Variants in RNF183 observed in about 807,000 individuals in gnomAD.
RNF183 encodes ring finger protein 183.
RNF183 carries 4 observed loss-of-function variants against 9.0 expected under a neutral mutation model. That is an observed-to-expected ratio of 0.44 (90% CI 0.22 to 1.01). The LOEUF (loss-of-function observed/expected upper bound fraction) is 1.01. Ranked by LOEUF, RNF183 falls within the 50% of genes least tolerant of loss-of-function variation. RNF183 has a pLI of 0.25. For synonymous variants in RNF183, 102 were observed against 107.5 expected, an observed-to-expected ratio of 0.95 and a Z score of 0.32; for missense variants, 227 against 253.6, an observed-to-expected ratio of 0.89 and a Z score of 0.71.
At position 113,297,900 on chromosome 9, in the gene RNF183, G is replaced by T; in HGVS notation, c.285C>A (p.Gly95=). Reference sequence around the variant, plus strand: ...GCTGGTCCTTGAGGCACAGCTGATGGCCTTCCAGGATGACATGGTGGGGCT... The same window carrying T: ...GCTGGTCCTTGAGGCACAGCTGATGTCCTTCCAGGATGACATGGTGGGGCT... ...RLEPHHVILE[G]HQLCLKDQPK... Residue 95 remains glycine, a synonymous_variant, in exon 5 of 5, where the codon GGC becomes GGA. Transcript: ENST00000489339. 6.2e-7 allele frequency: 1 copy of T among 1,613,956 alleles called. No individual in the cohort carries two copies. The highest frequency in any genetic ancestry group is 8.5e-7 in the Non-Finnish European group (1 of 1,179,970).
In RNF183 at chr9:113,298,466, T is replaced by C. The variant is rs962962057; in HGVS notation, c.-37-245A>G. The C allele has an allele frequency of 2.1e-6, 1 of 475,140 alleles. No individual in the cohort carries two copies. 29.4% of individuals were successfully genotyped at this position (475,140 alleles called of 1,614,324 possible). On this transcript the variant is annotated intron_variant, in intron 4 of 4. Coordinates refer to ENST00000489339, the MANE Select transcript of RNF183 (RefSeq NM_001371237.1). The surrounding 1 kb of genome is among the most constrained non-coding windows in gnomAD (Gnocchi z 4.9). ...CCAAGAGCCCCCAAGAGAGCCGGCA[T>C]TGGAGCAGATGTCGCCCTGGGCTTT...
chr9:113,300,646 C>T (rs548396925), intron 3 of RNF183, among the ~76,000 whole-genome samples: 2 of 151,438 alleles, frequency 1.3e-5, no homozygotes, highest in Admixed American at 6.6e-5. Context: ...TGTGTGGCCC[C>T]GAGGTGAGAA....
chr9:113,300,512 C>G (rs943735230), intron 3 of RNF183, among the ~76,000 whole-genome samples: 7 of 152,170 alleles, frequency 4.6e-5, no homozygotes. Context: ...TGCTTGGTGG[C>G]TGCTCCCAAT....
chr9:113,297,828 G>T lies in RNF183; in HGVS notation c.357C>A (p.Asp119Glu). The T allele has an allele frequency of 6.2e-7, 1 of 1,611,430 alleles. No homozygotes were observed. Among genetic ancestry groups the T allele is most frequent in the Non-Finnish European group, 8.5e-7 (1 of 1,178,438 alleles). ...FLRQPQVYTL[D>E]LGPQPGGQTG... Reference sequence around the variant, plus strand: ...TCTGGCCCCCAGGCTGGGGGCCAAGGTCCAGCGTGTAGACTTGAGGCTGGC... The same window carrying T: ...TCTGGCCCCCAGGCTGGGGGCCAAGTTCCAGCGTGTAGACTTGAGGCTGGC... The change falls in exon 5 of 5, where the codon GAC becomes GAA. Residue 119 changes from aspartate to glutamate, a missense_variant. Physicochemically the swap from Asp to Glu is conservative, Grantham distance 45. Transcript: ENST00000489339.
In RNF183 at chr9:113,297,498, T is replaced by C. The variant is rs1033386432; in HGVS notation, c.*108A>G. The C allele has an allele frequency of 8.2e-6, 6 of 732,912 alleles. No individual in the cohort carries two copies. The highest frequency in any genetic ancestry group is 1.1e-5 in the Non-Finnish European group (5 of 449,170). The allele number at this position is 732,912 out of a possible 1,614,324, so 45.4% of individuals were successfully genotyped here. A position where few individuals can be genotyped will look rare whatever the true frequency, so the allele number is the denominator to read the frequency against. On this transcript the variant is annotated 3_prime_UTR_variant, in exon 5 of 5. Transcript: ENST00000489339. ...ACACATGGCCTGAACAATCCCTGGA[T>C]TGTAAAATAAACAACACTACAAAGG...
At position 113,300,309 on chromosome 9, in the gene RNF183, G is replaced by A. The variant is rs1015556574; in HGVS notation, c.-241-534C>T. On this transcript the variant is annotated intron_variant, in intron 3 of 4. Coordinates refer to ENST00000489339, the MANE Select transcript of RNF183 (RefSeq NM_001371237.1). ...TATTCTGCAGTCCATTCATCCACTC[G>A]GACATTATTGAGTGCTTACTCTAGC... is the stretch of plus-strand genomic sequence containing the variant. Among the ~76,000 whole-genome samples the A allele has an allele frequency of 6.6e-5, 10 of 152,180 alleles. 1 individual carries two copies. The highest frequency in any genetic ancestry group is 2.6e-4 in the Admixed American group (4 of 15,278).
At chr9:113,302,036 TAAAC>T (rs1832933282) in intron 2 of RNF183, 155 bp downstream of exon 2, 1 of 150,882 alleles carries the variant, frequency 6.6e-6, no homozygotes, top group Non-Finnish European at 1.5e-5. Flanking sequence ...TCTGGAGAGA[TAAAC>T]AACCAGATAT....
At chr9:113,302,114 G>A (rs1290647557) in intron 2 of RNF183, 81 bp downstream of exon 2, 1 of 137,042 alleles carries the variant, frequency 7.3e-6, no homozygotes, top group Non-Finnish European at 1.6e-5. Context: ...TCTCTTACCT[G>A]AAAATTCTAA....
At chr9:113,300,479 C>T (rs1832883869) in intron 3 of RNF183, among the ~76,000 whole-genome samples, 1 of 152,096 alleles carries the variant, frequency 6.6e-6, no homozygotes, top group South Asian at 2.1e-4. Flanking sequence ...TAATAAAGGG[C>T]AAAAAGGAAA....
At chr9:113,301,776 G>A (rs1832924985) in intron 2 of RNF183, 25 bp from the exon 3 acceptor site, 2 of 152,218 alleles carry the variant, frequency 1.3e-5, no homozygotes, top group East Asian at 1.9e-4. Context: ...GTAAAGAGAT[G>A]CCCATCCAGG....
chr9:113,300,125 A>C (rs554878895), intron 3 of RNF183, among the ~76,000 whole-genome samples: 1 of 152,194 alleles, frequency 6.6e-6, no homozygotes, highest in Non-Finnish European at 1.5e-5. Context: ...CCGATGTCTG[A>C]AGCAAAACCT....
chr9:113,297,463 C>G lies in RNF183; in HGVS notation c.*143G>C, dbSNP rs1432008749. The stretch of plus-strand genomic sequence containing the variant: ...TTTTTGTTTTTTTTTAAAATTGTTC[C>G]CAGAAGCAAACACATGGCCTGAACA... On this transcript the variant is annotated 3_prime_UTR_variant, in exon 5 of 5. Coordinates refer to ENST00000489339, the MANE Select transcript of RNF183 (RefSeq NM_001371237.1). 6 of 555,606 alleles carry G rather than the reference C, an allele frequency of 1.1e-5. No homozygotes were observed. Among genetic ancestry groups the G allele is most frequent in the Non-Finnish European group, 1.8e-5 (6 of 328,998 alleles). The allele number at this position is 555,606 out of a possible 1,614,324, so 34.4% of individuals were successfully genotyped here.
At position 113,298,219 on chromosome 9, in the gene RNF183, G is replaced by A. The variant is rs374243027; in HGVS notation, c.-35C>T. On this transcript the variant is annotated splice_region_variant and 5_prime_UTR_variant, in exon 5 of 5. In the 5' UTR this introduces an upstream ATG that the reference lacks. Transcript: ENST00000489339. This position sits in a 1 kb window ranked among gnomAD's most constrained non-coding sequence, Gnocchi z 4.9. ...CACACGGGGAGGCTTCGCGGGAGAC[G>A]TCCTGGCAGAAGGGGGAAAGGAGCA... is the stretch of plus-strand genomic sequence containing the variant. The A allele has an allele frequency of 2.0e-5, 31 of 1,547,236 alleles. No homozygotes were observed. Among genetic ancestry groups the A allele is most frequent in the South Asian group, 1.4e-4 (12 of 83,950 alleles).
intron 3 of RNF183, among the ~76,000 whole-genome samples, chr9:113,301,453 T>C (rs1230221523): frequency 6.6e-6 from 1 of 152,202 alleles, no homozygotes; most frequent in Non-Finnish European, 1.5e-5. Flanking sequence ...GGTAAATATA[T>C]GGTATTATAA....
At chr9:113,300,770 C>T (rs1832894067) in intron 3 of RNF183, among the ~76,000 whole-genome samples, 1 of 152,140 alleles carries the variant, frequency 6.6e-6, no homozygotes, top group Admixed American at 6.5e-5. Context: ...AGGAGCTCAT[C>T]TGGATTTTAT....
Position 113,298,026 on chromosome 9 carries a change from G to C in RNF183, c.159C>G (p.Arg53=), listed in dbSNP as rs749979265. The change falls in exon 5 of 5, where the codon CGC becomes CGG. Residue 53 remains arginine (R), a synonymous_variant. Transcript: ENST00000489339. This position sits in a 1 kb window ranked among gnomAD's most constrained non-coding sequence, Gnocchi z 4.9. ...HLSLVTPARR[R]LLCPLCRQPT... is the part of the protein sequence containing the mutation. ...GCTGGCGACAGAGTGGGCACAGCAGGCGGCGCCGGGCTGGAGTCACAAGGC... is the reference window on the plus strand; with the variant it reads ...GCTGGCGACAGAGTGGGCACAGCAGCCGGCGCCGGGCTGGAGTCACAAGGC... 6.2e-7 allele frequency: 1 copy of C among 1,614,048 alleles called. No homozygotes were observed. The highest frequency in any genetic ancestry group is 1.1e-5 in the South Asian group (1 of 91,084).
Position 113,297,675 on chromosome 9 carries a change from G to T in RNF183, c.510C>A (p.Ile170=). The T allele has an allele frequency of 6.2e-7, 1 of 1,613,928 alleles. No homozygotes were observed. Among genetic ancestry groups the T allele is most frequent in the Non-Finnish European group, 8.5e-7 (1 of 1,179,938 alleles). Reference sequence around the variant, plus strand: ...ATATGAGCAACAGAGTGACACTGAGGATGACGGCCATCAGGTAGGCAAAGA... The same window carrying T: ...ATATGAGCAACAGAGTGACACTGAGTATGACGGCCATCAGGTAGGCAAAGA... The part of the protein sequence containing the change: ...FRIFAYLMAV[I]LSVTLLLIFS... Residue 170 remains isoleucine (I), a synonymous_variant, in exon 5 of 5, where the codon ATC becomes ATA. Coordinates refer to ENST00000489339, the MANE Select transcript of RNF183 (RefSeq NM_001371237.1).
chr9:113,299,420 C>T (rs1436206842), intron 4 of RNF183, 152 bp downstream of exon 4: 1 of 152,328 alleles, frequency 6.6e-6, no homozygotes, highest in African/African-American at 2.4e-5. Context: ...TGGCTGGAAC[C>T]TCCTCCTTGC....
Position 113,297,797 on chromosome 9 carries a change from G to C in RNF183, c.388C>G (p.Pro130Ala). 1 of 1,610,788 alleles carries C rather than the reference G, an allele frequency of 6.2e-7. No homozygotes were observed. ...LGPQPGGQTG[P>A]PPDTASATVS... is the part of the protein sequence containing the mutation. ...GTGGCAGAGGCCGTGTCTGGGGGCG[G>C]CCCAGTCTGGCCCCCAGGCTGGGGG... The change falls in exon 5 of 5, where the codon CCG becomes GCG. Residue 130 changes from proline (P) to alanine (A), a missense_variant. Transcript: ENST00000489339.
Sources: allele counts gnomAD v4.1 joint callset (sites outside exome capture counted in the v4.1 genomes callset), GRCh38; gene constraint gnomAD v4.1.1; non-coding constraint Gnocchi (gnomAD v3.1); transcripts MANE v1.5; gene names NCBI Gene and HGNC (gene_info 2026-07-23, HGNC 2026-07-21).